The following NRP1 variants were observed in gnomAD, a reference collection of about 807,000 sequenced individuals.
The protein encoded by NRP1 is neuropilin-1.
In NRP1, 35 loss-of-function variants were observed where a neutral mutation model predicts 106.7. That is an observed-to-expected ratio of 0.33 (90% CI 0.25 to 0.43). NRP1 has a LOEUF of 0.43. NRP1 is among the 20% of genes least tolerant of loss of function. The pLI is 1.00. For missense variants in NRP1, 1,024 were observed against 1,170.4 expected (o/e 0.87, Z 1.83); for synonymous variants, 437 against 417.9 (o/e 1.05, Z -0.56).
rs184751935 is a variant in NRP1 at position 33,270,612 on chromosome 10, C to T, written c.430+63G>A. 1,598 of 1,417,972 alleles carry T rather than the reference C, an allele frequency of 1.1e-3. 1 individual carries two copies. The highest frequency in any genetic ancestry group is 1.4e-3 in the Non-Finnish European group (1,506 of 1,048,362). The allele number at this position is 1,417,972 out of a possible 1,614,324, so 87.8% of individuals were successfully genotyped here. On this transcript the variant is annotated intron_variant, in intron 3 of 16. Transcript: ENST00000374867. ...AAAGTGCTGAGATTACAGGGGTGAG[C>T]CACCACACTCGGCCTAAATGAACTC...
intron 2 of NRP1, among the ~76,000 whole-genome samples, chr10:33,298,261 A>T (rs899127841): frequency 6.6e-6 from 1 of 152,172 alleles, no homozygotes. Flanking sequence ...GACCTCTGTC[A>T]TCTCTGCTTC....
chr10:33,249,040 T>C (rs575630515), intron 6 of NRP1, among the ~76,000 whole-genome samples: 4 of 151,640 alleles, frequency 2.6e-5, no homozygotes, highest in African/African-American at 9.7e-5. Context: ...TTTTTGTTTC[T>C]TTGAACAACA....
At chr10:33,233,642 T>C (rs1005717088) in intron 6 of NRP1, among the ~76,000 whole-genome samples, 3 of 152,220 alleles carry the variant, frequency 2.0e-5, no homozygotes, top group African/African-American at 7.2e-5. Context: ...CCCATTGAGC[T>C]AGCATTGGCA....
chr10:33,243,517 G>T (rs911118034), intron 6 of NRP1, among the ~76,000 whole-genome samples: 1 of 152,180 alleles, frequency 6.6e-6, no homozygotes, highest in Non-Finnish European at 1.5e-5. Flanking sequence ...TATTTTTCTA[G>T]ATCCAAAATA....
At chr10:33,195,948 A>G (rs1836752419) in intron 12 of NRP1, among the ~76,000 whole-genome samples, 1 of 152,090 alleles carries the variant, frequency 6.6e-6, no homozygotes, top group Non-Finnish European at 1.5e-5. Flanking sequence ...ACTGTTTGCA[A>G]TTTGCATACC....
chr10:33,193,120 C>A (rs1836530707), intron 12 of NRP1, among the ~76,000 whole-genome samples: 1 of 152,016 alleles, frequency 6.6e-6, no homozygotes, highest in South Asian at 2.1e-4. Context: ...TCAATAGCTA[C>A]CCGTTTTTAC....
chr10:33,190,600 C>G (rs1250223104), intron 13 of NRP1, among the ~76,000 whole-genome samples: 1 of 152,152 alleles, frequency 6.6e-6, no homozygotes, highest in Non-Finnish European at 1.5e-5. Context: ...GCCTTCAGTC[C>G]ACTGACTCAC....
At chr10:33,207,312 C>CT (rs61760422) in intron 10 of NRP1, among the ~76,000 whole-genome samples, 42 of 150,980 alleles carry the variant, frequency 2.8e-4, no homozygotes, top group African/African-American at 7.1e-4. Context: ...TATAAATTAT[C>CT]TTTTTTTTTA....
chr10:33,202,567 T>TGG lies in NRP1; in HGVS notation c.1864+322_1864+323dup, dbSNP rs72236242. On this transcript the variant is annotated intron_variant, in intron 11 of 16. Coordinates refer to ENST00000374867, the MANE Select transcript of NRP1 (RefSeq NM_003873.7). ...TACGTAGGGGTGGTGCACGTGTTAT[T>TGG]GGGGGGGGGTCTGAAAATAATGAAA... 5.6e-4 allele frequency: 734 copies of TGG among 1,318,302 alleles called. 2 individuals carry two copies. In the African/African-American group the frequency reaches 7.5e-3, roughly 14 times the overall value. 81.7% of individuals were successfully genotyped at this position (1,318,302 alleles called of 1,614,324 possible).
intron 10 of NRP1, chr10:33,206,001 C>T (rs1466134043): frequency 1.7e-5 from 5 of 299,734 alleles, no homozygotes; most frequent in South Asian, 1.2e-4. Flanking sequence ...GGCCTATGCC[C>T]AGGAATGAAC....
At chr10:33,299,773 G>A (rs1303556874) in intron 2 of NRP1, among the ~76,000 whole-genome samples, 21 of 152,266 alleles carry the variant, frequency 1.4e-4, no homozygotes, top group Non-Finnish European at 7.4e-5. Flanking sequence ...ATGACAGAGA[G>A]AGACCCCGTC....
At chr10:33,267,745 A>AAACTTT in intron 3 of NRP1, among the ~76,000 whole-genome samples, 1 of 152,302 alleles carries the variant, frequency 6.6e-6, no homozygotes, top group Middle Eastern at 3.4e-3. Context: ...AAATAAATGT[A>AAACTTT]GGGCTGGTGG....
At chr10:33,182,579 A>T in intron 16 of NRP1, 119 bp downstream of exon 16, 1 of 704,782 alleles carries the variant, frequency 1.4e-6, no homozygotes, top group Non-Finnish European at 2.4e-6. Flanking sequence ...ATGGGCATAG[A>T]TGTTTTTTAT....
intron 2 of NRP1, among the ~76,000 whole-genome samples, chr10:33,294,720 A>G: frequency 6.6e-6 from 1 of 152,098 alleles, no homozygotes; most frequent in East Asian, 1.9e-4. Context: ...TAAGAAGGAA[A>G]ATGCCATTTT....
At chr10:33,273,452 A>G (rs1843458071) in intron 2 of NRP1, among the ~76,000 whole-genome samples, 1 of 152,182 alleles carries the variant, frequency 6.6e-6, no homozygotes, top group Non-Finnish European at 1.5e-5. Flanking sequence ...CTGGTGTGCC[A>G]GCATCCCTCC....
chr10:33,212,431 A>C lies in NRP1; in HGVS notation c.1614+955T>G, dbSNP rs1838380417. 6 of 152,354 alleles carry C rather than the reference A, an allele frequency of 3.9e-5. 1 individual carries two copies. In the Middle Eastern group the frequency reaches 0.01, roughly 259 times the overall value. The allele number at this position is 152,354 out of a possible 1,614,324, so 9.4% of individuals were successfully genotyped here. A position where few individuals can be genotyped will look rare whatever the true frequency, so the allele number is the denominator to read the frequency against. On this transcript the variant is annotated intron_variant, in intron 9 of 16. Transcript: ENST00000374867. Reference sequence around the variant, plus strand: ...TAAGTGACATAAGCCAATCACAAAAAGACAAATACAGTATGAGGTCCCTAA... The same window carrying C: ...TAAGTGACATAAGCCAATCACAAAACGACAAATACAGTATGAGGTCCCTAA...
Position 33,213,555 on chromosome 10 carries a change from T to C in NRP1, c.1445A>G (p.Asn482Ser), listed in dbSNP as rs1042934113. ...CCCCAGGTCTATTTGGAGCCACTCATTGATGTAGGAATGAGGTGCGGGTGG... is the reference window on the plus strand; with the variant it reads ...CCCCAGGTCTATTTGGAGCCACTCACTGATGTAGGAATGAGGTGCGGGTGG... ...ALPPAPHSYI[N>S]EWLQIDLGEE... is the part of the protein sequence containing the mutation. The change falls in exon 9 of 17, where the codon AAT (asparagine) becomes AGT (serine). Residue 482 changes from asparagine to serine, a missense_variant. Asn to Ser is a conservative substitution (Grantham distance 46). Transcript: ENST00000374867. 4.3e-6 allele frequency: 7 copies of C among 1,613,898 alleles called. No individual in the cohort carries two copies. Among genetic ancestry groups the C allele is most frequent in the Admixed American group, 3.3e-5 (2 of 59,994 alleles).
chr10:33,276,350 G>C (rs1248938296), intron 2 of NRP1, among the ~76,000 whole-genome samples: 1 of 152,046 alleles, frequency 6.6e-6, no homozygotes, highest in Non-Finnish European at 1.5e-5. Context: ...CTGGATCAAT[G>C]AGATGCTCTG....
At position 33,254,505 on chromosome 10, in the gene NRP1, A is replaced by G. The variant is rs575429409; in HGVS notation, c.815-311T>C. Among the ~76,000 whole-genome samples, 11 of 152,360 alleles carry G rather than the reference A, an allele frequency of 7.2e-5. No individual in the cohort carries two copies. In the South Asian group the frequency reaches 2.1e-3, roughly 29 times the overall value. On this transcript the variant is annotated intron_variant, in intron 5 of 16. Coordinates refer to ENST00000374867, the MANE Select transcript of NRP1 (RefSeq NM_003873.7). ...CAGTTGAGTGTGTGTGTTTGTAACT[A>G]TCTGTGACTCTACCTGTCATATGGG...
Sources: gnomAD v4.1 joint callset for allele counts (sites outside exome capture counted in the v4.1 genomes callset) on GRCh38, gnomAD v4.1.1 for gene constraint, MANE v1.5 for transcripts, NCBI Gene and HGNC (gene_info 2026-07-23, HGNC 2026-07-21) for gene names.